NPTN: variants seen among roughly 807,000 people sequenced by gnomAD.
NPTN encodes the protein neuroplastin.
NPTN carries 5 observed loss-of-function variants against 42.7 expected under a neutral mutation model. The ratio of observed to expected loss-of-function variants is 0.12; its 90% CI spans 0.06 to 0.25. The LOEUF (loss-of-function observed/expected upper bound fraction) is 0.25. Among genes scored for constraint, NPTN ranks in the 10% least tolerant of loss-of-function variants. NPTN has a pLI of 1.00. For missense variants in NPTN, 307 were observed against 525.4 expected (o/e 0.58, Z 4.06); for synonymous variants, 180 against 201.9 (o/e 0.89, Z 0.92).
intron 1 of NPTN, among the ~76,000 whole-genome samples, chr15:73,619,425 A>C (rs567536653): frequency 6.6e-6 from 1 of 152,216 alleles, no homozygotes; most frequent in African/African-American, 2.4e-5. Flanking sequence ...CATGCTGCTA[A>C]ATTTCTAAGT....
At chr15:73,625,696 T>A (rs1230654627) in intron 1 of NPTN, among the ~76,000 whole-genome samples, 1 of 152,176 alleles carries the variant, frequency 6.6e-6, no homozygotes, top group East Asian at 1.9e-4. Flanking sequence ...CTTTTACTCA[T>A]ATAAACTAAC....
chr15:73,575,415 C>G (rs897472128), intron 4 of NPTN, among the ~76,000 whole-genome samples: 7 of 152,382 alleles, frequency 4.6e-5, no homozygotes, highest in Middle Eastern at 6.8e-3. Flanking sequence ...CCACGCCCAG[C>G]CGGGTTACAG....
chr15:73,604,253 C>T (rs1185834844), intron 1 of NPTN, among the ~76,000 whole-genome samples: 9 of 152,096 alleles, frequency 5.9e-5, no homozygotes, highest in Non-Finnish European at 1.0e-4. Flanking sequence ...CGCTCGAGTC[C>T]AAGAGCTCGA....
Position 73,624,721 on chromosome 15 carries a change from T to C in NPTN, c.91+8404A>G, listed in dbSNP as rs1479296130. On this transcript the variant is annotated intron_variant, in intron 1 of 8. Transcript: ENST00000345330. ...CCCTTGGCCAGTATTCAAGTCAATCTGTACTCAACAGAAATGTGCCTCAGA... is the reference window on the plus strand; with the variant it reads ...CCCTTGGCCAGTATTCAAGTCAATCCGTACTCAACAGAAATGTGCCTCAGA... Among the ~76,000 whole-genome samples the C allele has an allele frequency of 2.0e-5, 3 of 152,314 alleles. No individual in the cohort carries two copies. The South Asian group carries it at 6.2e-4, about 32-fold the overall frequency.
At chr15:73,625,246 TTCACAAGATATTACATATTTGTGTA>T (rs1390080321) in intron 1 of NPTN, among the ~76,000 whole-genome samples, 1 of 152,232 alleles carries the variant, frequency 6.6e-6, no homozygotes, top group Non-Finnish European at 1.5e-5. Flanking sequence ...TAGGTAATGT[TTCACAAGATATTACATATTTGTGTA>T]ATTTTGTTAT....
chr15:73,600,075 G>A (rs1228249348), intron 1 of NPTN, among the ~76,000 whole-genome samples: 1 of 152,182 alleles, frequency 6.6e-6, no homozygotes, highest in Non-Finnish European at 1.5e-5. Context: ...GTCACAGGTA[G>A]CTGAGAAACA....
intron 1 of NPTN, among the ~76,000 whole-genome samples, chr15:73,630,755 G>A (rs1000071454): frequency 6.6e-6 from 1 of 152,132 alleles, no homozygotes; most frequent in Non-Finnish European, 1.5e-5. Context: ...CACAAGCAAG[G>A]TATCCCTTTT....
chr15:73,625,467 G>A (rs1388980649), intron 1 of NPTN, among the ~76,000 whole-genome samples: 4 of 151,900 alleles, frequency 2.6e-5, no homozygotes, highest in Admixed American at 2.6e-4. Flanking sequence ...GAGTAGCTGG[G>A]ACTACAGGTG....
chr15:73,612,435 A>G (rs1897635584), intron 1 of NPTN, among the ~76,000 whole-genome samples: 1 of 151,690 alleles, frequency 6.6e-6, no homozygotes, highest in Non-Finnish European at 1.5e-5. Context: ...AAAAAAAAAA[A>G]AAGGAAGAAA....
intron 3 of NPTN, among the ~76,000 whole-genome samples, chr15:73,589,015 C>G (rs1045049198): frequency 4.6e-5 from 7 of 152,010 alleles, no homozygotes; most frequent in African/African-American, 1.7e-4. Flanking sequence ...TCAAGTTAAG[C>G]AGAGTGACAG....
chr15:73,627,236 T>C (rs985526546), intron 1 of NPTN, among the ~76,000 whole-genome samples: 10 of 151,520 alleles, frequency 6.6e-5, no homozygotes, highest in Non-Finnish European at 2.9e-5. Context: ...ACTCCATCTT[T>C]AAAAAAAAAT....
intron 1 of NPTN, among the ~76,000 whole-genome samples, chr15:73,600,910 G>A (rs934418420): frequency 6.6e-6 from 1 of 152,216 alleles, no homozygotes; most frequent in Non-Finnish European, 1.5e-5. Context: ...TAGTTCTGAT[G>A]ATTCCAATGC....
rs1455039076 is a variant in NPTN at position 73,570,078 on chromosome 15, T to TC, written c.1114+71dup. On this transcript the variant is annotated intron_variant, in intron 6 of 8. Coordinates refer to ENST00000345330, the MANE Select transcript of NPTN (RefSeq NM_012428.4). This position sits in a 1 kb window ranked among gnomAD's most constrained non-coding sequence, Gnocchi z 4.0. ...TTGAATCCCAACATCCCTATAGTCC[T>TC]CTTTGGGTACTTGGAAACCACCCGA... The TC allele has an allele frequency of 6.8e-7, 1 of 1,476,292 alleles. No homozygotes were observed. Among genetic ancestry groups the TC allele is most frequent in the Non-Finnish European group, 9.1e-7 (1 of 1,094,722 alleles). The allele number at this position is 1,476,292 out of a possible 1,614,324, so 91.4% of individuals were successfully genotyped here. A position where few individuals can be genotyped will look rare whatever the true frequency, so the allele number is the denominator to read the frequency against.
At chr15:73,564,841 C>T (rs891103733) in intron 6 of NPTN, among the ~76,000 whole-genome samples, 1 of 152,146 alleles carries the variant, frequency 6.6e-6, no homozygotes, top group Non-Finnish European at 1.5e-5. Flanking sequence ...TCTGGCTGTG[C>T]ACTCGAAAAT....
intron 3 of NPTN, among the ~76,000 whole-genome samples, chr15:73,588,352 G>A (rs983926857): frequency 6.6e-6 from 1 of 152,210 alleles, no homozygotes; most frequent in Non-Finnish European, 1.5e-5. Context: ...TGTTTTGGTA[G>A]TTCTGTTCTT....
chr15:73,567,432 A>C (rs1417568532), intron 6 of NPTN: 1 of 985,310 alleles, frequency 1.0e-6, no homozygotes, highest in African/African-American at 1.7e-5. Flanking sequence ...GTTTGTGTCA[A>C]ATATAATGTA....
chr15:73,628,318 C>CT (rs955039146), intron 1 of NPTN, among the ~76,000 whole-genome samples: 10 of 152,188 alleles, frequency 6.6e-5, no homozygotes, highest in African/African-American at 2.4e-4. Flanking sequence ...TCTCCTTGTA[C>CT]TACTGCAGCC....
intron 1 of NPTN, chr15:73,599,489 C>G (rs1263804547): frequency 1.3e-5 from 2 of 152,542 alleles, no homozygotes; most frequent in Non-Finnish European, 2.9e-5. Flanking sequence ...TGGTGCTCAC[C>G]TGTAGTCCCA....
intron 3 of NPTN, among the ~76,000 whole-genome samples, chr15:73,589,697 T>C (rs1896492910): frequency 6.6e-6 from 1 of 152,120 alleles, no homozygotes; most frequent in African/African-American, 2.4e-5. Context: ...ATCCATCTTA[T>C]ATTGCTCATT....
Sources: gnomAD v4.1 joint callset for allele counts (sites outside exome capture counted in the v4.1 genomes callset) on GRCh38, gnomAD v4.1.1 for gene constraint, Gnocchi (gnomAD v3.1) non-coding constraint, MANE v1.5 for transcripts, NCBI Gene and HGNC (gene_info 2026-07-23, HGNC 2026-07-21) for gene names.